Variants in URB1 observed in about 807,000 individuals in gnomAD.
URB1 encodes the protein nucleolar pre-ribosomal-associated protein 1.
A neutral mutation model predicts 242.3 loss-of-function variants in URB1; 197 were observed. The ratio of observed to expected loss-of-function variants is 0.81; its 90% CI spans 0.72 to 0.91. URB1 has a LOEUF of 0.91. URB1 is among the 40% of genes least tolerant of loss of function. The probability of loss-of-function intolerance (pLI) is 0.00; values close to 1 mark genes in which losing one functional copy is unlikely to be tolerated. For missense variants in URB1, 2,721 were observed against 2,860.5 expected, an observed-to-expected ratio of 0.95 and a Z score of 1.11; for synonymous variants, 1,153 against 1,201.8, an observed-to-expected ratio of 0.96 and a Z score of 0.84.
intron 23 of URB1, 114 bp downstream of exon 23, chr21:32,345,260 A>G: frequency 8.5e-7 from 1 of 1,182,180 alleles, no homozygotes; most frequent in East Asian, 2.6e-5. Context: ...GAACTGCCTG[A>G]TCACAGATGG....
In URB1 at chr21:32,388,590, T is replaced by C. The variant is rs2033607580; in HGVS notation, c.143-2906A>G. Among the ~76,000 whole-genome samples the C allele has an allele frequency of 2.6e-5, 4 of 152,372 alleles. No individual in the cohort carries two copies. In the South Asian group the frequency reaches 8.3e-4, roughly 32 times the overall value. On this transcript the variant is annotated intron_variant, in intron 1 of 38. Coordinates refer to ENST00000382751, the MANE Select transcript of URB1 (RefSeq NM_014825.3). The stretch of plus-strand genomic sequence containing the variant: ...CTGCAGCGTGGTCTGGTGGTGATTA[T>C]GAGCAGGCCATGGGTGTTCTGACCA...
Position 32,324,275 on chromosome 21 carries a change from C to G in URB1, c.5233+216G>C, listed in dbSNP as rs568349357. Reference sequence around the variant, plus strand: ...TCTACTTTTTTCTGGATTTCACCCCCCAGGGGTCCATGACGAGCTTCCTCA... The same window carrying G: ...TCTACTTTTTTCTGGATTTCACCCCGCAGGGGTCCATGACGAGCTTCCTCA... On this transcript the variant is annotated intron_variant, in intron 32 of 38. Transcript: ENST00000382751. Among the ~76,000 whole-genome samples, 3 of 152,220 alleles carry G rather than the reference C, an allele frequency of 2.0e-5. No individual in the cohort carries two copies. The South Asian group carries it at 6.2e-4, about 31-fold the overall frequency.
At position 32,312,138 on chromosome 21, in the gene URB1, T is replaced by C; in HGVS notation, c.*2780A>G. 6.5e-7 allele frequency: 1 copy of C among 1,538,152 alleles called. No homozygotes were observed. ...AAGTGCAACTAGAGCAGGAGCATCC[T>C]ATGCCTTTGACAAAGATTGCAGTGG... On this transcript the variant is annotated 3_prime_UTR_variant, in exon 39 of 39. Transcript: ENST00000382751.
intron 3 of URB1, among the ~76,000 whole-genome samples, chr21:32,383,874 C>T (rs1231264154): frequency 2.0e-5 from 3 of 152,170 alleles, no homozygotes; most frequent in East Asian, 1.9e-4. Context: ...ATACAGAGGA[C>T]GACTTCTTCA....
Position 32,319,237 on chromosome 21 carries a change from G to A in URB1, c.5772C>T (p.Ile1924=), listed in dbSNP as rs772502297. The change falls in exon 36 of 39, where the codon ATC becomes ATT. Residue 1924 remains isoleucine, a synonymous_variant. Transcript: ENST00000382751. Reference sequence around the variant, plus strand: ...CTCACCTCAGGTGCTTCATGAGCACGATGAGAACATAAAGGAACTCATTGA... The same window carrying A: ...CTCACCTCAGGTGCTTCATGAGCACAATGAGAACATAAAGGAACTCATTGA... ...HLVNEFLYVL[I]VLMKHLRPTL... is the part of the protein sequence containing the mutation. 84 of 1,550,290 alleles carry A rather than the reference G, an allele frequency of 5.4e-5. No individual in the cohort carries two copies. The South Asian group carries it at 6.1e-4, about 11-fold the overall frequency.
intron 31 of URB1, 88 bp from the exon 32 acceptor site, chr21:32,324,690 G>T (rs2070377): frequency 1.0e-6 from 1 of 975,224 alleles, no homozygotes; most frequent in Non-Finnish European, 1.6e-6. Context: ...ACCAGGGCTC[G>T]GCAGGGTGTG....
At chr21:32,367,298 C>T (rs921738891) in intron 9 of URB1, among the ~76,000 whole-genome samples, 2 of 152,166 alleles carry the variant, frequency 1.3e-5, no homozygotes, top group African/African-American at 4.8e-5. Flanking sequence ...AAACCACACA[C>T]TCACCCCTCC....
chr21:32,314,870 G>C lies in URB1; in HGVS notation c.*48C>G. On this transcript the variant is annotated 3_prime_UTR_variant, in exon 39 of 39. Transcript: ENST00000382751. ...AACCAAACTTCTAGAAGCTGGTGCT[G>C]TGCTCGAGGCTCTGGTCATCAGGGT... 6.5e-7 allele frequency: 1 copy of C among 1,530,542 alleles called. No individual in the cohort carries two copies. The highest frequency in any genetic ancestry group is 8.8e-7 in the Non-Finnish European group (1 of 1,135,540). 94.8% of individuals were successfully genotyped at this position (1,530,542 alleles called of 1,614,324 possible).
intron 4 of URB1, among the ~76,000 whole-genome samples, chr21:32,382,992 C>T (rs2033543015): frequency 6.6e-6 from 1 of 152,194 alleles, no homozygotes; most frequent in Non-Finnish European, 1.5e-5. Context: ...CATAAAAGTC[C>T]TCTCTGAGGA....
At position 32,341,599 on chromosome 21, in the gene URB1, G is replaced by A. The variant is rs77991755; in HGVS notation, c.4258-75C>T. On this transcript the variant is annotated intron_variant, in intron 24 of 38. Transcript: ENST00000382751. ...AATACTAAAAGGCCCCAGCTGCAGAGCCTTCAGAAAGGCATCTGCCTCCAT... is the reference window on the plus strand; with the variant it reads ...AATACTAAAAGGCCCCAGCTGCAGAACCTTCAGAAAGGCATCTGCCTCCAT... The A allele has an allele frequency of 1.7e-3, 2,421 of 1,403,104 alleles. 34 individuals carry two copies. In the African/African-American group the frequency reaches 0.031, roughly 18 times the overall value. The allele number at this position is 1,403,104 out of a possible 1,614,324, so 86.9% of individuals were successfully genotyped here. A position where few individuals can be genotyped will look rare whatever the true frequency, so the allele number is the denominator to read the frequency against.
chr21:32,373,837 T>A, intron 6 of URB1, 65 bp from the exon 7 acceptor site: 1 of 1,367,856 alleles, frequency 7.3e-7, no homozygotes, highest in Non-Finnish European at 9.7e-7. Context: ...AATTCAATTA[T>A]TTTTTAAATG....
In URB1 at chr21:32,363,219, T is replaced by C. The variant is rs774986042; in HGVS notation, c.1446A>G (p.Ser482=). ...CCATCATCACAGCTGTGTACACGCCTGATTCCTGCCACACCTCTTTATTCA... is the reference window on the plus strand; with the variant it reads ...CCATCATCACAGCTGTGTACACGCCCGATTCCTGCCACACCTCTTTATTCA... ...HCLNKEVWQE[S]GVYTAVMMEE... The change falls in exon 11 of 39, where the codon TCA becomes TCG. Residue 482 remains serine, a synonymous_variant. Transcript: ENST00000382751. The C allele has an allele frequency of 6.4e-6, 10 of 1,551,966 alleles. No homozygotes were observed. Among genetic ancestry groups the C allele is most frequent in the African/African-American group, 2.7e-5 (2 of 73,056 alleles).
chr21:32,312,101 G>T lies in URB1; in HGVS notation c.*2817C>A. 1 of 1,581,450 alleles carries T rather than the reference G, an allele frequency of 6.3e-7. No homozygotes were observed. The highest frequency in any genetic ancestry group is 2.3e-5 in the East Asian group (1 of 44,234). ...GAGGCCATTTGCATGTAGCAGAAAG[G>T]GCACCTAGGTCAAGTGCAACTAGAG... is the stretch of plus-strand genomic sequence containing the variant. On this transcript the variant is annotated 3_prime_UTR_variant, in exon 39 of 39. Coordinates refer to ENST00000382751, the MANE Select transcript of URB1 (RefSeq NM_014825.3).
At chr21:32,318,056 C>T in intron 36 of URB1, 139 bp from the exon 37 acceptor site, 1 of 1,163,604 alleles carries the variant, frequency 8.6e-7, no homozygotes. Flanking sequence ...GCACAGCAGA[C>T]ATCTAGCATG....
At chr21:32,391,872 A>AT (rs1420584541) in intron 1 of URB1, among the ~76,000 whole-genome samples, 3 of 151,690 alleles carry the variant, frequency 2.0e-5, no homozygotes, top group Non-Finnish European at 1.5e-5. Flanking sequence ...AAAAAAAAAA[A>AT]ACATAGCTGG....
At chr21:32,354,177 G>A in intron 17 of URB1, 74 bp from the exon 18 acceptor site, 1 of 1,504,188 alleles carries the variant, frequency 6.6e-7, no homozygotes, top group South Asian at 1.3e-5. Context: ...CCACAGGGAG[G>A]CAGAAGCAGA....
At chr21:32,315,840 C>A (rs554698034) in intron 38 of URB1, among the ~76,000 whole-genome samples, 14 of 152,304 alleles carry the variant, frequency 9.2e-5, no homozygotes, top group African/African-American at 3.4e-4. Flanking sequence ...CCAGGTGAGC[C>A]TACCCGATAG....
chr21:32,363,764 C>G (rs1234176771), intron 10 of URB1, among the ~76,000 whole-genome samples: 1 of 152,076 alleles, frequency 6.6e-6, no homozygotes, highest in Non-Finnish European at 1.5e-5. Context: ...TGGGCTCAGG[C>G]AATCCTCCCG....
intron 21 of URB1, among the ~76,000 whole-genome samples, chr21:32,349,042 T>C (rs1371941725): frequency 6.6e-6 from 1 of 152,238 alleles, no homozygotes; most frequent in African/African-American, 2.4e-5. Context: ...ATTCACACTG[T>C]TTCTCAGCAG....
Sources: gnomAD v4.1 joint callset for allele counts (sites outside exome capture counted in the v4.1 genomes callset) on GRCh38, gnomAD v4.1.1 for gene constraint, MANE v1.5 for transcripts, NCBI Gene and HGNC (gene_info 2026-07-23, HGNC 2026-07-21) for gene names.